GPR176: variants seen among roughly 807,000 people sequenced by gnomAD.
GPR176 encodes the protein G-protein coupled receptor 176.
GPR176 carries 26 observed loss-of-function variants against 35.4 expected under a neutral mutation model. The ratio of observed to expected loss-of-function variants is 0.74; its 90% confidence interval spans 0.54 to 1.02. The LOEUF (loss-of-function observed/expected upper bound fraction) is 1.02. GPR176 is among the 50% of genes least tolerant of loss of function. The probability of loss-of-function intolerance (pLI) is 0.00; values close to 1 mark genes in which losing one functional copy is unlikely to be tolerated. For missense variants in GPR176, 597 were observed against 665.3 expected (o/e 0.90, Z 1.13); for synonymous variants, 278 against 271.3 (o/e 1.02, Z -0.24).
chr15:39,902,479 GAA>G (rs1256295121), intron 1 of GPR176, among the ~76,000 whole-genome samples: 6 of 152,210 alleles, frequency 3.9e-5, no homozygotes, highest in Non-Finnish European at 7.3e-5. Flanking sequence ...GGCAGACGCA[GAA>G]AGCTTCATCT....
At chr15:39,904,542 G>A (rs753658487) in intron 1 of GPR176, among the ~76,000 whole-genome samples, 2 of 152,178 alleles carry the variant, frequency 1.3e-5, no homozygotes, top group Non-Finnish European at 2.9e-5. Context: ...GGGTGGGGGT[G>A]CTCATCAAAG....
At chr15:39,860,125 T>TA (rs900391058) in intron 1 of GPR176, among the ~76,000 whole-genome samples, 6 of 152,076 alleles carry the variant, frequency 3.9e-5, no homozygotes, top group African/African-American at 1.2e-4. Flanking sequence ...ACTAGAGTAA[T>TA]AAAAAAAGTC....
chr15:39,861,582 TG>T (rs919800931), intron 1 of GPR176, among the ~76,000 whole-genome samples: 1 of 152,088 alleles, frequency 6.6e-6, no homozygotes, highest in Admixed American at 6.5e-5. Context: ...AGTGTTGATG[TG>T]TCTAAGAAAT....
chr15:39,919,815 C>T (rs758785401), intron 1 of GPR176, 40 bp downstream of exon 1: 2 of 1,361,044 alleles, frequency 1.5e-6, no homozygotes, highest in Middle Eastern at 2.1e-4. Flanking sequence ...CCTGTACCCT[C>T]GGGGAGGCCC....
chr15:39,890,166 G>C (rs1433752126), intron 1 of GPR176, among the ~76,000 whole-genome samples: 1 of 152,136 alleles, frequency 6.6e-6, no homozygotes, highest in South Asian at 2.1e-4. Flanking sequence ...TTCTTAGAGA[G>C]AGCCTGATGT....
intron 1 of GPR176, among the ~76,000 whole-genome samples, chr15:39,913,683 T>C (rs1300987049): frequency 6.6e-6 from 1 of 152,172 alleles, no homozygotes; most frequent in East Asian, 1.9e-4. Context: ...ATGGTTTCTT[T>C]ATGGGATGAT....
At chr15:39,815,118 C>A (rs368824765) in intron 1 of GPR176, among the ~76,000 whole-genome samples, 125 of 152,108 alleles carry the variant, frequency 8.2e-4, no homozygotes, top group African/African-American at 2.9e-3. Flanking sequence ...CAGAGGGAAC[C>A]AAGAAAAGGT....
At chr15:39,861,077 T>G (rs1335469360) in intron 1 of GPR176, among the ~76,000 whole-genome samples, 1 of 152,096 alleles carries the variant, frequency 6.6e-6, no homozygotes, top group Non-Finnish European at 1.5e-5. Context: ...GACTAAACAA[T>G]CTAGAGTTAA....
chr15:39,897,685 C>G (rs560154845), intron 1 of GPR176, among the ~76,000 whole-genome samples: 44 of 146,784 alleles, frequency 3.0e-4, no homozygotes, highest in South Asian at 6.4e-4. Flanking sequence ...GCAATCTCGG[C>G]TCACTGCAAG....
chr15:39,809,129 A>ATAATCACATTTTATTT (rs1292829656), intron 1 of GPR176, among the ~76,000 whole-genome samples: 35 of 152,242 alleles, frequency 2.3e-4, no homozygotes, highest in Admixed American at 3.9e-4. Flanking sequence ...TTAAAACCCG[A>ATAATCACATTTTATTT]GACTGCTATA....
At chr15:39,908,782 G>T (rs1393609562) in intron 1 of GPR176, among the ~76,000 whole-genome samples, 8 of 152,020 alleles carry the variant, frequency 5.3e-5, no homozygotes, top group Non-Finnish European at 8.8e-5. Context: ...AAAAGATGGC[G>T]CCTTTAGCAA....
At chr15:39,894,661 T>C (rs1046631861) in intron 1 of GPR176, 1 of 171,774 alleles carries the variant, frequency 5.8e-6, no homozygotes, top group Non-Finnish European at 1.3e-5. Context: ...CTAGATGTGA[T>C]GGCGGCCGGG....
intron 1 of GPR176, among the ~76,000 whole-genome samples, chr15:39,915,473 G>T (rs1048801593): frequency 6.6e-6 from 1 of 152,104 alleles, no homozygotes; most frequent in African/African-American, 2.4e-5. Flanking sequence ...ATTTGAGGGG[G>T]AATATAAACA....
rs867439272 is a variant in GPR176 at position 39,891,507 on chromosome 15, T to C, written c.172+28348A>G. On this transcript the variant is annotated intron_variant, in intron 1 of 2. Coordinates refer to ENST00000561100, the MANE Select transcript of GPR176 (RefSeq NM_007223.3). ...TAGCTGAGACTACAGGTACACACCA[T>C]ACCTGACTTTTTTCAGGGACATGGT... 5.9e-5 allele frequency among the ~76,000 whole-genome samples: 9 copies of C among 152,012 alleles called. No individual in the cohort carries two copies. In the South Asian group the frequency reaches 1.5e-3, roughly 25 times the overall value.
At chr15:39,810,954 A>C (rs1195144585) in intron 1 of GPR176, among the ~76,000 whole-genome samples, 1 of 152,224 alleles carries the variant, frequency 6.6e-6, no homozygotes, top group Non-Finnish European at 1.5e-5. Context: ...TTCAGTTTGC[A>C]GTCCAAAATG....
intron 1 of GPR176, among the ~76,000 whole-genome samples, chr15:39,914,623 T>A (rs1217479370): frequency 6.6e-6 from 1 of 152,190 alleles, no homozygotes; most frequent in Admixed American, 6.5e-5. Flanking sequence ...GATACCTTAT[T>A]CTTAACGTAG....
At chr15:39,859,490 T>C (rs1194850321) in intron 1 of GPR176, among the ~76,000 whole-genome samples, 1 of 52,332 alleles carries the variant, frequency 1.9e-5, no homozygotes, top group African/African-American at 8.1e-5. Flanking sequence ...ATGGCCACTG[T>C]GAAAAAAAAA....
At chr15:39,891,254 T>G (rs2032860999) in intron 1 of GPR176, among the ~76,000 whole-genome samples, 1 of 152,140 alleles carries the variant, frequency 6.6e-6, no homozygotes, top group Non-Finnish European at 1.5e-5. Context: ...AAACAAAAAG[T>G]ATAATTTACA....
chr15:39,893,556 C>T (rs567557283), intron 1 of GPR176, among the ~76,000 whole-genome samples: 1 of 152,370 alleles, frequency 6.6e-6, no homozygotes, highest in Admixed American at 6.5e-5. Context: ...CCCCAACTTT[C>T]CCGCCTTTCT....
Sources: gnomAD v4.1 joint callset for allele counts (sites outside exome capture counted in the v4.1 genomes callset) on GRCh38, gnomAD v4.1.1 for gene constraint, MANE v1.5 for transcripts, NCBI Gene and HGNC (gene_info 2026-07-23, HGNC 2026-07-21) for gene names.